Variants in PLD5 observed in about 807,000 individuals in gnomAD.
The protein encoded by PLD5 is inactive phospholipase D5.
In PLD5, 36 loss-of-function variants were observed where a neutral mutation model predicts 61.1. That is an observed-to-expected ratio of 0.59 (90% CI 0.45 to 0.78). PLD5 has a LOEUF of 0.78. Ranked by LOEUF, PLD5 falls within the 30% of genes least tolerant of loss-of-function variation. The pLI is 0.00. For synonymous variants in PLD5, 243 were observed against 242.8 expected (o/e 1.00, Z -0.01); for missense variants, 515 against 644.4 (o/e 0.80, Z 2.17).
At chr1:242,519,026 G>A (rs1669194087) in intron 1 of PLD5, among the ~76,000 whole-genome samples, 1 of 152,182 alleles carries the variant, frequency 6.6e-6, no homozygotes, top group South Asian at 2.1e-4. Flanking sequence ...GCTTGTCTGT[G>A]TTGTTTATCT....
chr1:242,440,956 C>T (rs1179365496), intron 1 of PLD5, among the ~76,000 whole-genome samples: 1 of 152,056 alleles, frequency 6.6e-6, no homozygotes, highest in Non-Finnish European at 1.5e-5. Context: ...ACAAAGATGC[C>T]CATTCAGCAT....
intron 4 of PLD5, among the ~76,000 whole-genome samples, chr1:242,231,625 T>C (rs924542178): frequency 2.0e-5 from 3 of 152,074 alleles, no homozygotes; most frequent in Non-Finnish European, 2.9e-5. Context: ...TTAGGTAAAA[T>C]GGAAGAGACA....
At chr1:242,258,173 G>A (rs1673188277) in intron 4 of PLD5, among the ~76,000 whole-genome samples, 1 of 152,150 alleles carries the variant, frequency 6.6e-6, no homozygotes, top group Non-Finnish European at 1.5e-5. Flanking sequence ...TAATAGAGCA[G>A]TTTTTGCTTA....
Position 242,455,702 on chromosome 1 carries a change from C to T in PLD5, c.189+68386G>A, listed in dbSNP as rs547523290. Among the ~76,000 whole-genome samples the T allele has an allele frequency of 4.6e-5, 7 of 152,354 alleles. No individual in the cohort carries two copies. In the South Asian group the frequency reaches 1.0e-3, roughly 23 times the overall value. Reference sequence around the variant, plus strand: ...ACATAGCACTTGTCCCAGAAGGGAGCTTCATGCCCAAATCAATACAGGAGC... The same window carrying T: ...ACATAGCACTTGTCCCAGAAGGGAGTTTCATGCCCAAATCAATACAGGAGC... On this transcript the variant is annotated intron_variant, in intron 1 of 9. Transcript: ENST00000536534.
At chr1:242,449,215 C>A (rs1666680974) in intron 1 of PLD5, 2 of 1,050,700 alleles carry the variant, frequency 1.9e-6, no homozygotes, top group South Asian at 2.9e-5. Flanking sequence ...TCCTGCCCTT[C>A]TCATAAAAAA....
chr1:242,119,956 T>G (rs1006327105), intron 6 of PLD5, among the ~76,000 whole-genome samples: 1 of 152,100 alleles, frequency 6.6e-6, no homozygotes, highest in African/African-American at 2.4e-5. Flanking sequence ...GTAAACAAAG[T>G]GTGGAATATC....
chr1:242,443,922 A>T (rs1388664106), intron 1 of PLD5, among the ~76,000 whole-genome samples: 2 of 152,184 alleles, frequency 1.3e-5, no homozygotes, highest in African/African-American at 4.8e-5. Flanking sequence ...AGGCCACCAC[A>T]TCAATGGTAT....
chr1:242,439,709 C>T (rs1167982343), intron 1 of PLD5, among the ~76,000 whole-genome samples: 3 of 152,116 alleles, frequency 2.0e-5, no homozygotes, highest in Non-Finnish European at 4.4e-5. Flanking sequence ...CAGGTATAAA[C>T]GAATGCATTT....
chr1:242,243,022 G>A (rs1672155094), intron 4 of PLD5, among the ~76,000 whole-genome samples: 1 of 152,128 alleles, frequency 6.6e-6, no homozygotes, highest in Non-Finnish European at 1.5e-5. Context: ...ACATAAATGT[G>A]ACAAAATGGC....
At chr1:242,217,175 C>G (rs1303157600) in intron 5 of PLD5, among the ~76,000 whole-genome samples, 2 of 152,238 alleles carry the variant, frequency 1.3e-5, no homozygotes, top group Non-Finnish European at 2.9e-5. Flanking sequence ...GATAACACAA[C>G]ATTCATTCTG....
chr1:242,197,698 G>A (rs1414724891), intron 5 of PLD5, among the ~76,000 whole-genome samples: 13 of 149,590 alleles, frequency 8.7e-5, no homozygotes, highest in East Asian at 2.0e-4. Flanking sequence ...GCAATGATGC[G>A]ATCTCAGCTC....
chr1:242,391,059 G>C (rs183667758), intron 1 of PLD5, among the ~76,000 whole-genome samples: 10 of 152,162 alleles, frequency 6.6e-5, no homozygotes, highest in Non-Finnish European at 1.3e-4. Context: ...GCCAGGTGTG[G>C]TGGCGGGTAT....
chr1:242,324,844 C>T (rs1048424572), intron 2 of PLD5, among the ~76,000 whole-genome samples: 7 of 152,090 alleles, frequency 4.6e-5, no homozygotes, highest in African/African-American at 1.4e-4. Context: ...GGCCACCACC[C>T]AGGAACTGAC....
chr1:242,293,667 C>A (rs551458480), intron 2 of PLD5, among the ~76,000 whole-genome samples: 1 of 152,126 alleles, frequency 6.6e-6, no homozygotes, highest in South Asian at 2.1e-4. Flanking sequence ...TACTAAATAT[C>A]AATATAAACT....
At chr1:242,305,641 C>G (rs983123393) in intron 2 of PLD5, among the ~76,000 whole-genome samples, 2 of 152,076 alleles carry the variant, frequency 1.3e-5, no homozygotes, top group Non-Finnish European at 2.9e-5. Context: ...CTCACTGCAA[C>G]CTCCATCTCC....
chr1:242,313,699 C>T (rs866614660), intron 2 of PLD5, among the ~76,000 whole-genome samples: 7 of 152,192 alleles, frequency 4.6e-5, no homozygotes, highest in South Asian at 2.1e-4. Context: ...CCTAGTTCTA[C>T]CTTTTCCAAC....
At chr1:242,250,136 T>C (rs1366703522) in intron 4 of PLD5, among the ~76,000 whole-genome samples, 1 of 152,234 alleles carries the variant, frequency 6.6e-6, no homozygotes, top group East Asian at 1.9e-4. Context: ...CTTGCCACAT[T>C]GCTTAGTCTC....
intron 4 of PLD5, among the ~76,000 whole-genome samples, chr1:242,257,726 C>T (rs1673158845): frequency 6.6e-6 from 1 of 152,054 alleles, no homozygotes; most frequent in Admixed American, 6.6e-5. Context: ...ACATGTTGCA[C>T]ATGATAAATA....
intron 3 of PLD5, among the ~76,000 whole-genome samples, chr1:242,274,001 C>T (rs1463959025): frequency 1.3e-5 from 2 of 152,134 alleles, no homozygotes; most frequent in Non-Finnish European, 2.9e-5. Context: ...GGCTTCCTAC[C>T]TCCAGGTCTG....
Sources: allele counts gnomAD v4.1 joint callset (sites outside exome capture counted in the v4.1 genomes callset), GRCh38; gene constraint gnomAD v4.1.1; transcripts MANE v1.5; gene names NCBI Gene and HGNC (gene_info 2026-07-23, HGNC 2026-07-21).